Variants in MAGI2 observed in about 807,000 individuals in gnomAD.
MAGI2 encodes membrane-associated guanylate kinase, WW and PDZ domain-containing protein 2.
In MAGI2, 35 loss-of-function variants were observed where a neutral mutation model predicts 133.3. That is an observed-to-expected ratio of 0.26 (90% CI 0.20 to 0.35). The LOEUF (loss-of-function observed/expected upper bound fraction) is 0.35, where lower values mean the gene tolerates loss of function less well. MAGI2 is among the 10% of genes least tolerant of loss of function. MAGI2 has a pLI of 1.00. For missense variants in MAGI2, 1,636 were observed against 1,863.4 expected, an observed-to-expected ratio of 0.88 and a Z score of 2.25; for synonymous variants, 729 against 710.6, an observed-to-expected ratio of 1.03 and a Z score of -0.41.
intron 2 of MAGI2, among the ~76,000 whole-genome samples, chr7:78,754,268 G>A (rs1459046400): frequency 6.6e-6 from 1 of 151,886 alleles, no homozygotes; most frequent in African/African-American, 2.4e-5. Flanking sequence ...CTACTAGGGA[G>A]GCTGAGGTGG....
Position 79,107,117 on chromosome 7 carries a change from G to A in MAGI2, c.302-99911C>T, listed in dbSNP as rs1818512119. On this transcript the variant is annotated intron_variant, in intron 1 of 21. Coordinates refer to ENST00000354212, the MANE Select transcript of MAGI2 (RefSeq NM_012301.4). ...CTAGGGTTACAGATCCCAAAATAAA[G>A]AGATTAGCCTCAAATATCCAGGTGG... Among the ~76,000 whole-genome samples, 5 of 152,180 alleles carry A rather than the reference G, an allele frequency of 3.3e-5. No individual in the cohort carries two copies. The South Asian group carries it at 1.0e-3, about 32-fold the overall frequency.
At chr7:78,759,015 T>TG (rs1211824277) in intron 2 of MAGI2, among the ~76,000 whole-genome samples, 4 of 152,138 alleles carry the variant, frequency 2.6e-5, no homozygotes. Context: ...AACCAAAATC[T>TG]GGCACATAGT....
At chr7:78,318,823 C>T (rs940201081) in intron 9 of MAGI2, among the ~76,000 whole-genome samples, 1 of 152,072 alleles carries the variant, frequency 6.6e-6, no homozygotes, top group South Asian at 2.1e-4. Flanking sequence ...ATTCAACATT[C>T]TTAAAAGAAT....
In MAGI2 at chr7:78,798,802, G is replaced by A. The variant is rs114874441; in HGVS notation, c.419-171563C>T. Among the ~76,000 whole-genome samples the A allele has an allele frequency of 1.1e-3, 173 of 152,256 alleles. 2 individuals carry two copies. Among genetic ancestry groups the A allele is most frequent in the African/African-American group, 4.1e-3 (169 of 41,556 alleles). On this transcript the variant is annotated intron_variant, in intron 2 of 21. Coordinates refer to ENST00000354212, the MANE Select transcript of MAGI2 (RefSeq NM_012301.4). ...CAAACTTCCATGCTGAGCTCAAGTT[G>A]CTCATTTGTATTCTAACTAAGGCAA... is the stretch of plus-strand genomic sequence containing the variant.
chr7:78,963,303 T>C (rs1417659673), intron 2 of MAGI2, among the ~76,000 whole-genome samples: 2 of 152,092 alleles, frequency 1.3e-5, no homozygotes, highest in African/African-American at 4.8e-5. Flanking sequence ...CTCCAACAAC[T>C]TAATATAGGG....
intron 3 of MAGI2, among the ~76,000 whole-genome samples, chr7:78,558,356 G>A (rs1800040291): frequency 6.6e-6 from 1 of 152,084 alleles, no homozygotes; most frequent in Admixed American, 6.6e-5. Context: ...TAGCAAGAAA[G>A]GAAAGTAAGA....
At chr7:79,292,738 A>G (rs1209731822) in intron 1 of MAGI2, among the ~76,000 whole-genome samples, 6 of 137,242 alleles carry the variant, frequency 4.4e-5, no homozygotes, top group African/African-American at 1.6e-4. Flanking sequence ...ATCTTTCTTC[A>G]CATCAATTTT....
intron 1 of MAGI2, among the ~76,000 whole-genome samples, chr7:79,155,944 G>C (rs963412930): frequency 6.6e-6 from 1 of 152,170 alleles, no homozygotes; most frequent in African/African-American, 2.4e-5. Flanking sequence ...TTTGGCTAGA[G>C]TATGCAGATT....
rs1819192350 is a variant in MAGI2 at position 79,114,253 on chromosome 7, A to G, written c.302-107047T>C. On this transcript the variant is annotated intron_variant, in intron 1 of 21. Transcript: ENST00000354212. Reference sequence around the variant, plus strand: ...TCCTTGTCCTTCCTTATTGTCTTAGATTAGAACACTTTCCTCCTTACTCTA... The same window carrying G: ...TCCTTGTCCTTCCTTATTGTCTTAGGTTAGAACACTTTCCTCCTTACTCTA... 2.0e-5 allele frequency among the ~76,000 whole-genome samples: 3 copies of G among 152,248 alleles called. No individual in the cohort carries two copies. In the South Asian group the frequency reaches 6.2e-4, roughly 32 times the overall value.
At chr7:79,125,168 G>T (rs1375377020) in intron 1 of MAGI2, 1 of 339,816 alleles carries the variant, frequency 2.9e-6, no homozygotes, top group East Asian at 6.9e-5. Context: ...GGTAAGAAAA[G>T]GGGCTTTGGT....
intron 1 of MAGI2, among the ~76,000 whole-genome samples, chr7:79,059,501 A>C (rs1813512382): frequency 2.0e-5 from 3 of 152,098 alleles, no homozygotes; most frequent in African/African-American, 7.2e-5. Context: ...ATTCAGTTTA[A>C]TTGCTATGAG....
intron 2 of MAGI2, among the ~76,000 whole-genome samples, chr7:78,713,779 T>C (rs1421639279): frequency 6.6e-6 from 1 of 152,104 alleles, no homozygotes; most frequent in Non-Finnish European, 1.5e-5. Context: ...ATACTCACAA[T>C]GCATGGAAAA....
chr7:78,953,363 A>C (rs1802026118), intron 2 of MAGI2, among the ~76,000 whole-genome samples: 1 of 152,110 alleles, frequency 6.6e-6, no homozygotes, highest in South Asian at 2.1e-4. Flanking sequence ...TCAAGGTGTA[A>C]ATCAAGTGTT....
chr7:79,215,940 G>T (rs575090599), intron 1 of MAGI2, among the ~76,000 whole-genome samples: 1 of 151,654 alleles, frequency 6.6e-6, no homozygotes. Context: ...TGTGTATTCC[G>T]TGGGAATACA....
intron 1 of MAGI2, among the ~76,000 whole-genome samples, chr7:79,019,153 C>T (rs1273935458): frequency 6.6e-6 from 1 of 152,184 alleles, no homozygotes; most frequent in East Asian, 1.9e-4. Flanking sequence ...TAAAACAACA[C>T]TCAGCAAATG....
chr7:78,056,962 A>G (rs1812639941), intron 21 of MAGI2, among the ~76,000 whole-genome samples: 1 of 151,888 alleles, frequency 6.6e-6, no homozygotes, highest in Non-Finnish European at 1.5e-5. Flanking sequence ...AAATATTGTG[A>G]ATAATGCTGC....
rs528814784 is a variant in MAGI2, at chr7:78,545,864, G to GA, written c.539-24220dup. On this transcript the variant is annotated intron_variant, in intron 3 of 21. Transcript: ENST00000354212. The stretch of plus-strand genomic sequence containing the variant: ...TGTTTATAATCCCTACCTTTCAAAG[G>GA]AAAAAATAAAATGCATTAACTTTAT... Among the ~76,000 whole-genome samples, 163 of 152,074 alleles carry GA rather than the reference G, an allele frequency of 1.1e-3. 1 individual carries two copies. In the South Asian group the frequency reaches 0.011, roughly 10 times the overall value.
At chr7:78,857,021 A>G (rs1038899629) in intron 2 of MAGI2, among the ~76,000 whole-genome samples, 2 of 152,092 alleles carry the variant, frequency 1.3e-5, no homozygotes, top group Non-Finnish European at 2.9e-5. Context: ...GCAATTGTGA[A>G]TGGGAGTTCA....
intron 4 of MAGI2, among the ~76,000 whole-genome samples, chr7:78,506,171 G>A (rs1795064757): frequency 6.6e-6 from 1 of 152,110 alleles, no homozygotes; most frequent in African/African-American, 2.4e-5. Context: ...TAATGATGGT[G>A]GCACGGAGAT....
Sources: gnomAD v4.1 joint callset for allele counts (sites outside exome capture counted in the v4.1 genomes callset) on GRCh38, gnomAD v4.1.1 for gene constraint, MANE v1.5 for transcripts, NCBI Gene and HGNC (gene_info 2026-07-23, HGNC 2026-07-21) for gene names.